Variants in B4GALNT2 observed in about 807,000 individuals in gnomAD.
The protein encoded by B4GALNT2 is beta-1,4-N-acetyl-galactosaminyltransferase 2 (SID blood group), also known as N-acetylneuraminylgalactosylglucosyl-glucoside beta-1,4-N- acetylgalactosaminyltransferase 2.
B4GALNT2 carries 42 observed loss-of-function variants against 51.1 expected under a neutral mutation model. That is an observed-to-expected ratio of 0.82 (90% CI 0.64 to 1.06). The LOEUF is 1.06. B4GALNT2 is among the 50% of genes least tolerant of loss of function. The probability of loss-of-function intolerance (pLI) is 0.00; values close to 1 mark genes in which losing one functional copy is unlikely to be tolerated. For synonymous variants in B4GALNT2, 253 were observed against 251.7 expected (o/e 1.01, Z -0.05); for missense variants, 602 against 633.6 (o/e 0.95, Z 0.54).
intron 6 of B4GALNT2, 117 bp downstream of exon 6, chr17:49,159,334 G>GTT: frequency 2.0e-6 from 2 of 979,242 alleles, no homozygotes. Context: ...GTGTGTGTTT[G>GTT]TTTGTTTTGT....
chr17:49,166,293 T>C, intron 9 of B4GALNT2, 39 bp downstream of exon 9: 1 of 1,571,492 alleles, frequency 6.4e-7, no homozygotes, highest in East Asian at 2.4e-5. Flanking sequence ...CCACAATCTG[T>C]AGAGATGGAG....
At chr17:49,127,591 T>C (rs1012969853), upstream of B4GALNT2, among the ~76,000 whole-genome samples, 3 of 152,134 alleles carry the variant, frequency 2.0e-5, no homozygotes, top group African/African-American at 7.2e-5. Flanking sequence ...ATAACACATA[T>C]ATAGCCACAC....
chr17:49,169,443 C>T, intron 10 of B4GALNT2, 80 bp from the exon 11 acceptor site: 1 of 1,366,214 alleles, frequency 7.3e-7, no homozygotes, highest in South Asian at 1.2e-5. Context: ...CTCCCTGGGA[C>T]TCTCCCCCAC....
upstream of B4GALNT2, among the ~76,000 whole-genome samples, chr17:49,127,871 A>G (rs1234642973): frequency 1.3e-5 from 2 of 152,222 alleles, no homozygotes; most frequent in African/African-American, 4.8e-5. Context: ...GGCCACCAGA[A>G]GTCATTTTAG....
At chr17:49,121,694 C>T in the B4GALNT2 span, among the ~76,000 whole-genome samples, 5 of 152,106 alleles carry the variant, frequency 3.3e-5, no homozygotes, top group Admixed American at 3.3e-4. Flanking sequence ...AGAGGAAGTC[C>T]TGTAACAGTA....
At chr17:49,163,045 AG>A in intron 7 of B4GALNT2, among the ~76,000 whole-genome samples, 1 of 151,932 alleles carries the variant, frequency 6.6e-6, no homozygotes, top group East Asian at 1.9e-4. Context: ...ACAAACAGGT[AG>A]GGTTGTGGCT....
At position 49,171,705 on chromosome 17, in the gene B4GALNT2, G is replaced by A. The variant is rs1471291959; in HGVS notation, c.*1977G>A. 2 of 396,094 alleles carry A rather than the reference G, an allele frequency of 5.0e-6. No homozygotes were observed. The highest frequency in any genetic ancestry group is 2.1e-5 in the African/African-American group (1 of 47,182). The allele number at this position is 396,094 out of a possible 1,614,324, so 24.5% of individuals were successfully genotyped here. ...GTGGCTGTGGCACACAGACTGAGAG[G>A]TGTAATTTAAGCTAAACATCCCCTT... On this transcript the variant is annotated 3_prime_UTR_variant, in exon 11 of 11. Coordinates refer to ENST00000393354, the MANE Select transcript of B4GALNT2 (RefSeq NM_001159387.2).
intron 2 of B4GALNT2, 44 bp downstream of exon 2, chr17:49,141,491 T>C: frequency 6.3e-7 from 1 of 1,579,660 alleles, no homozygotes; most frequent in Non-Finnish European, 8.7e-7. Context: ...TGCACACATC[T>C]TCCTTGCTCC....
the B4GALNT2 span, among the ~76,000 whole-genome samples, chr17:49,123,398 TA>T: frequency 6.6e-6 from 1 of 152,230 alleles, no homozygotes; most frequent in African/African-American, 2.4e-5. Flanking sequence ...GAATTTAATT[TA>T]AACTGTAGAA....
upstream of B4GALNT2, among the ~76,000 whole-genome samples, chr17:49,127,637 TAAA>T (rs796221801): frequency 1.8e-4 from 27 of 151,266 alleles, no homozygotes; most frequent in Non-Finnish European, 3.8e-4. Flanking sequence ...TTATAAGATT[TAAA>T]AAAAAAAATT....
Position 49,141,459 on chromosome 17 carries a change from C to G in B4GALNT2, c.215+12C>G, listed in dbSNP as rs116205565. ...TACGATGGAATCTGGTGAGAGACTG[C>G]GTGTTCTTTCTTTCACCTTAATGCA... On this transcript the variant is annotated intron_variant, in intron 2 of 10. Transcript: ENST00000393354. 1.3e-5 allele frequency: 21 copies of G among 1,611,424 alleles called. No individual in the cohort carries two copies. The highest frequency in any genetic ancestry group is 1.7e-5 in the Non-Finnish European group (20 of 1,178,112).
At chr17:49,120,466 GTGTGTGTGTGTGTGTGTC>G in the B4GALNT2 span, among the ~76,000 whole-genome samples, 2 of 96,774 alleles carry the variant, frequency 2.1e-5, no homozygotes, top group African/African-American at 8.1e-5. Context: ...GGAGTCTTTT[GTGTGTGTGTGTGTGTGTC>G]TGTGTGTGTG....
At chr17:49,148,231 T>C (rs566986663) in intron 3 of B4GALNT2, 4 of 205,236 alleles carry the variant, frequency 1.9e-5, no homozygotes, top group African/African-American at 2.4e-5. Flanking sequence ...ACCTGGGAGG[T>C]GGCAGTGGCA....
chr17:49,124,661 T>A, the B4GALNT2 span, among the ~76,000 whole-genome samples: 2 of 121,234 alleles, frequency 1.6e-5, no homozygotes, highest in Non-Finnish European at 3.8e-5. Flanking sequence ...TTATACCAAA[T>A]TTTACCATTA....
At position 49,164,217 on chromosome 17, in the gene B4GALNT2, A is replaced by T; in HGVS notation, c.896A>T (p.Gln299Leu). 1 of 1,613,734 alleles carries T rather than the reference A, an allele frequency of 6.2e-7. No homozygotes were observed. Among genetic ancestry groups the T allele is most frequent in the Non-Finnish European group, 8.5e-7 (1 of 1,179,606 alleles). ...DLTVIVADDS[Q>L]KPLEIKDNHV... ...ACCGTAATAGTGGCTGATGACAGCC[A>T]GAAGCCCCTGGAAATTAAAGACAAT... is the stretch of plus-strand genomic sequence containing the variant. Residue 299 changes from glutamine (Q) to leucine (L), a missense_variant, in exon 8 of 11, where the codon CAG (glutamine) becomes CTG (leucine). By Grantham distance (113) the Gln-to-Leu change is moderately radical. Transcript: ENST00000393354.
Position 49,147,337 on chromosome 17 carries a change from T to C in B4GALNT2, c.353+5165T>C, listed in dbSNP as rs577875714. On this transcript the variant is annotated intron_variant, in intron 3 of 10. Coordinates refer to ENST00000393354, the MANE Select transcript of B4GALNT2 (RefSeq NM_001159387.2). Reference sequence around the variant, plus strand: ...AAAAGTTCATTTTTTTCCTCTTCTTTTCTTGTTTTCTTTTTCTTTATTCTT... The same window carrying C: ...AAAAGTTCATTTTTTTCCTCTTCTTCTCTTGTTTTCTTTTTCTTTATTCTT... 1.7e-4 allele frequency among the ~76,000 whole-genome samples: 26 copies of C among 152,216 alleles called. No homozygotes were observed. The South Asian group carries it at 5.4e-3, about 32-fold the overall frequency.
In B4GALNT2 at chr17:49,168,927, G is replaced by A. The variant is rs2042936451; in HGVS notation, c.1315+27G>A. On this transcript the variant is annotated intron_variant, in intron 10 of 10. Transcript: ENST00000393354. ...TGGGAAGGCTGAAAGAGTGAGGGAG[G>A]GAGCTGGGCTGGGAATTAGCTGCAG... 3.7e-6 allele frequency: 6 copies of A among 1,600,468 alleles called. No individual in the cohort carries two copies. The East Asian group carries it at 1.1e-4, about 30-fold the overall frequency.
chr17:49,149,904 C>T (rs1250036336), intron 3 of B4GALNT2, among the ~76,000 whole-genome samples: 1 of 152,122 alleles, frequency 6.6e-6, no homozygotes, highest in Non-Finnish European at 1.5e-5. Context: ...CTAACGTTTG[C>T]TATCATCACA....
rs368360383 is a variant in B4GALNT2, at chr17:49,148,300, G to A, written c.354-4500G>A. 321 of 325,314 alleles carry A rather than the reference G, an allele frequency of 9.9e-4. 4 individuals carry two copies. The highest frequency in any genetic ancestry group is 6.1e-3 in the African/African-American group (269 of 44,104). The allele number at this position is 325,314 out of a possible 1,614,324, so 20.2% of individuals were successfully genotyped here. Reference sequence around the variant, plus strand: ...GGGCGACAGAGTGAGATCCTGTCTCGAAAAAAAAATAAAAACAAAACAAAA... The same window carrying A: ...GGGCGACAGAGTGAGATCCTGTCTCAAAAAAAAAATAAAAACAAAACAAAA... On this transcript the variant is annotated intron_variant, in intron 3 of 10. Coordinates refer to ENST00000393354, the MANE Select transcript of B4GALNT2 (RefSeq NM_001159387.2).
Sources: gnomAD v4.1 joint callset for allele counts (sites outside exome capture counted in the v4.1 genomes callset) on GRCh38, gnomAD v4.1.1 for gene constraint, MANE v1.5 for transcripts, NCBI Gene and HGNC (gene_info 2026-07-23, HGNC 2026-07-21) for gene names.